Variants in TMEM245 observed in about 807,000 individuals in gnomAD.
The protein encoded by TMEM245 is transmembrane protein 245.
TMEM245 carries 69 observed loss-of-function variants against 101.2 expected under a neutral mutation model. That is an observed-to-expected ratio of 0.68 (90% CI 0.56 to 0.83). TMEM245 has a LOEUF of 0.83. TMEM245 is among the 40% of genes least tolerant of loss of function. TMEM245 has a pLI of 0.00. For synonymous variants in TMEM245, 537 were observed against 449.8 expected (o/e 1.19, Z -2.45); for missense variants, 1,075 against 1,092.8 (o/e 0.98, Z 0.23).
intron 12 of TMEM245, among the ~76,000 whole-genome samples, chr9:109,052,102 C>T (rs1270864915): frequency 6.6e-6 from 1 of 151,924 alleles, no homozygotes; most frequent in Non-Finnish European, 1.5e-5. Context: ...TATAGCATAC[C>T]TGCACATTTC....
At chr9:109,059,075 G>C (rs1432643033) in intron 11 of TMEM245, among the ~76,000 whole-genome samples, 2 of 152,140 alleles carry the variant, frequency 1.3e-5, no homozygotes, top group African/African-American at 4.8e-5. Flanking sequence ...TAAAGCTCAG[G>C]AGGTGTGAGG....
At chr9:109,101,963 T>C (rs1830292352) in intron 3 of TMEM245, among the ~76,000 whole-genome samples, 1 of 152,278 alleles carries the variant, frequency 6.6e-6, no homozygotes, top group East Asian at 1.9e-4. Context: ...GCATTACTTA[T>C]ATTCTTATAA....
At chr9:109,033,191 G>T in intron 17 of TMEM245, 116 bp downstream of exon 17, 1 of 1,150,584 alleles carries the variant, frequency 8.7e-7, no homozygotes, top group Non-Finnish European at 1.2e-6. Context: ...CTTTATCACA[G>T]CATTGGTACT....
At chr9:109,113,185 T>C (rs1830615627) in intron 1 of TMEM245, among the ~76,000 whole-genome samples, 1 of 152,206 alleles carries the variant, frequency 6.6e-6, no homozygotes, top group African/African-American at 2.4e-5. Context: ...TTTACTTGGG[T>C]CAACATTTTG....
intron 3 of TMEM245, among the ~76,000 whole-genome samples, chr9:109,102,938 G>C (rs1040299169): frequency 2.6e-5 from 4 of 152,192 alleles, no homozygotes; most frequent in African/African-American, 4.8e-5. Context: ...AGTCTGATCT[G>C]ATGATTTGAG....
chr9:109,109,890 TCTA>T (rs1410351524), intron 1 of TMEM245, among the ~76,000 whole-genome samples: 1 of 152,152 alleles, frequency 6.6e-6, no homozygotes, highest in Non-Finnish European at 1.5e-5. Context: ...TGTGATTACA[TCTA>T]CTATATGGTG....
chr9:109,025,181 G>A (rs924610493), intron 17 of TMEM245, among the ~76,000 whole-genome samples: 2 of 152,184 alleles, frequency 1.3e-5, no homozygotes, highest in Non-Finnish European at 2.9e-5. Flanking sequence ...GAAATTCTTA[G>A]GGTTAGTGTA....
At chr9:109,087,663 G>A (rs1019989811) in intron 5 of TMEM245, among the ~76,000 whole-genome samples, 2 of 152,034 alleles carry the variant, frequency 1.3e-5, no homozygotes, top group African/African-American at 4.8e-5. Flanking sequence ...TACAATTCTG[G>A]CCCCTTGCAT....
rs1329225465 is a variant in TMEM245 at position 109,050,301 on chromosome 9, G to A, written c.2105C>T (p.Ser702Phe). The change falls in exon 14 of 18, where the codon TCT becomes TTT. Residue 702 changes from serine to phenylalanine, a missense_variant. Physicochemically the swap from Ser to Phe is radical, Grantham distance 155. This residue lies in a region of TMEM245 where 267 missense variants were observed against 351.3 expected (regional missense o/e 0.76). Transcript: ENST00000374586. ...PGPSSNIIGQ[S>F]VEEAIRGVFD... is the part of the protein sequence containing the mutation. ...TCCCTACCTGATAGCTTCTTCCACA[G>A]ACTGGCCAATAATATTAGAAGAAGG... The A allele has an allele frequency of 6.2e-7, 1 of 1,614,052 alleles. No homozygotes were observed.
intron 3 of TMEM245, 91 bp downstream of exon 3, chr9:109,106,417 G>A: frequency 1.4e-6 from 1 of 716,668 alleles, no homozygotes; most frequent in Non-Finnish European, 2.2e-6. Flanking sequence ...TTTTTAAATA[G>A]ATTCAAAGCT....
rs750138273 is a variant in TMEM245 at position 109,050,566 on chromosome 9, G to A, written c.1977+4C>T. 30 of 1,613,756 alleles carry A rather than the reference G, an allele frequency of 1.9e-5. No individual in the cohort carries two copies. The highest frequency in any genetic ancestry group is 1.6e-4 in the Middle Eastern group (1 of 6,082). On this transcript the variant is annotated splice_donor_region_variant and intron_variant, in intron 13 of 17. Transcript: ENST00000374586. ...ATGACGTGTACTTATCTATGTGGACGTACCAGAGAGAGTACAAAATTGAGA... is the reference window on the plus strand; with the variant it reads ...ATGACGTGTACTTATCTATGTGGACATACCAGAGAGAGTACAAAATTGAGA...
At chr9:109,062,416 GAACT>G (rs970128240) in intron 10 of TMEM245, among the ~76,000 whole-genome samples, 9 of 152,178 alleles carry the variant, frequency 5.9e-5, no homozygotes, top group African/African-American at 2.2e-4. Context: ...AAAGCCTTAT[GAACT>G]AACTGGAAAA....
intron 17 of TMEM245, 55 bp downstream of exon 17, chr9:109,033,252 A>G (rs1828017313): frequency 6.7e-7 from 1 of 1,492,594 alleles, no homozygotes; most frequent in Non-Finnish European, 9.0e-7. Flanking sequence ...TCAAATACAG[A>G]GACAGGACAG....
intron 7 of TMEM245, 145 bp downstream of exon 7, chr9:109,085,852 G>A (rs1432824325): frequency 1.0e-5 from 9 of 863,792 alleles, no homozygotes; most frequent in Admixed American, 2.2e-5. Context: ...TAGTATTCAT[G>A]CTTCACAACC....
At chr9:109,070,372 T>C (rs1353480188) in intron 9 of TMEM245, among the ~76,000 whole-genome samples, 1 of 152,198 alleles carries the variant, frequency 6.6e-6, no homozygotes, top group Non-Finnish European at 1.5e-5. Context: ...ATTTCCTGTC[T>C]TGGTGAATCC....
chr9:109,051,952 T>C (rs1029791830), intron 12 of TMEM245, among the ~76,000 whole-genome samples: 4 of 152,198 alleles, frequency 2.6e-5, no homozygotes, highest in African/African-American at 9.7e-5. Context: ...GCCAAAAATC[T>C]TTCCTGAGAC....
rs530924919 is a variant in TMEM245, at chr9:109,104,315, CCTA to C, written c.799+2190_799+2192del. Among the ~76,000 whole-genome samples, 484 of 151,926 alleles carry C rather than the reference CCTA, an allele frequency of 3.2e-3. 2 individuals carry two copies. The highest frequency in any genetic ancestry group is 0.011 in the African/African-American group (468 of 41,414). On this transcript the variant is annotated intron_variant, in intron 3 of 17. Coordinates refer to ENST00000374586, the MANE Select transcript of TMEM245 (RefSeq NM_032012.4). ...TCCATGTACCCCATAAATATATACA[CCTA>C]CTATGTAGCCACAAAAATTAAAATT...
chr9:109,084,386 A>T (rs1829773207), intron 7 of TMEM245, among the ~76,000 whole-genome samples: 2 of 152,226 alleles, frequency 1.3e-5, no homozygotes, highest in South Asian at 4.1e-4. Context: ...TCATCAAAGG[A>T]AAGAAAAAAA....
At chr9:109,110,315 C>A (rs1189722042) in intron 1 of TMEM245, among the ~76,000 whole-genome samples, 1 of 152,108 alleles carries the variant, frequency 6.6e-6, no homozygotes, top group Non-Finnish European at 1.5e-5. Context: ...CATAACCCCA[C>A]AAAATAATAT....
Sources: gnomAD v4.1 joint callset for allele counts (sites outside exome capture counted in the v4.1 genomes callset) on GRCh38, gnomAD v4.1.1 for gene constraint, gnomAD v4.1.1 regional missense constraint, MANE v1.5 for transcripts, NCBI Gene and HGNC (gene_info 2026-07-23, HGNC 2026-07-21) for gene names.